GLYR1: variants seen among roughly 807,000 people sequenced by gnomAD.
GLYR1 encodes the protein glyoxylate reductase 1 homolog.
A neutral mutation model predicts 72.7 loss-of-function variants in GLYR1; 21 were observed. The observed-to-expected ratio is 0.29, with a 90% CI of 0.20 to 0.42. The LOEUF (loss-of-function observed/expected upper bound fraction) is 0.42, where lower values mean the gene tolerates loss of function less well. GLYR1 is among the 10% of genes least tolerant of loss of function. The pLI is 1.00. For synonymous variants in GLYR1, 392 were observed against 270.2 expected (o/e 1.45, Z -4.42); for missense variants, 594 against 712.1 (o/e 0.83, Z 1.89).
intron 5 of GLYR1, among the ~76,000 whole-genome samples, chr16:4,828,294 C>A (rs2142004809): frequency 6.6e-6 from 1 of 152,044 alleles, no homozygotes; most frequent in South Asian, 2.1e-4. Flanking sequence ...TGGTCTCCAT[C>A]TCCTGACCTC....
At chr16:4,825,714 C>CA (rs927920294) in intron 5 of GLYR1, among the ~76,000 whole-genome samples, 1 of 151,672 alleles carries the variant, frequency 6.6e-6, no homozygotes, top group African/African-American at 2.4e-5. Flanking sequence ...TGCAGTGGCA[C>CA]AATCTTGGCT....
chr16:4,822,973 C>T (rs368044903), intron 6 of GLYR1, 42 bp from the exon 7 acceptor site: 29 of 1,533,142 alleles, frequency 1.9e-5, no homozygotes, highest in Non-Finnish European at 2.5e-5. Context: ...TTATCTGCCA[C>T]CAAAGGTCAC....
chr16:4,818,036 C>G (rs545125294), intron 9 of GLYR1: 2 of 206,606 alleles, frequency 9.7e-6, no homozygotes, highest in East Asian at 2.5e-4. Flanking sequence ...TTGCTCTGTT[C>G]CAGGCTGGAG....
intron 5 of GLYR1, among the ~76,000 whole-genome samples, chr16:4,829,457 C>A (rs181651133): frequency 1.3e-5 from 2 of 151,802 alleles, no homozygotes; most frequent in East Asian, 3.9e-4. Flanking sequence ...AGGTGTGTAC[C>A]ACTATGCCCA....
intron 7 of GLYR1, 124 bp from the exon 8 acceptor site, chr16:4,821,721 G>C (rs1462860856): frequency 4.7e-6 from 4 of 846,170 alleles, no homozygotes; most frequent in Non-Finnish European, 7.9e-6. Context: ...TTATACTTTA[G>C]TGAACTCCAA....
At chr16:4,841,457 CAA>C (rs1160441336) in intron 3 of GLYR1, among the ~76,000 whole-genome samples, 11 of 31,952 alleles carry the variant, frequency 3.4e-4, no homozygotes, top group Non-Finnish European at 5.3e-4. Context: ...CTTGTCTCTA[CAA>C]AAAAAAAAAA....
At chr16:4,841,698 C>T (rs993086240) in intron 3 of GLYR1, among the ~76,000 whole-genome samples, 1 of 151,970 alleles carries the variant, frequency 6.6e-6, no homozygotes, top group South Asian at 2.1e-4. Context: ...GAAACAATGG[C>T]TTTCAGGCTC....
intron 15 of GLYR1, among the ~76,000 whole-genome samples, chr16:4,810,831 G>A (rs970051230): frequency 6.6e-6 from 1 of 151,634 alleles, no homozygotes; most frequent in African/African-American, 2.4e-5. Context: ...ATGGCTGGGC[G>A]TGGTAGCTCA....
At chr16:4,814,473 A>G (rs896473398) in intron 11 of GLYR1, 64 bp downstream of exon 11, 41 of 1,239,026 alleles carry the variant, frequency 3.3e-5, no homozygotes, top group African/African-American at 1.9e-4. Flanking sequence ...GGAGGAGGGG[A>G]AGAGGCCAGC....
intron 12 of GLYR1, 65 bp downstream of exon 12, chr16:4,813,672 G>C: frequency 1.4e-6 from 2 of 1,387,646 alleles, no homozygotes; most frequent in Non-Finnish European, 1.0e-6. Flanking sequence ...GCCCACTCTT[G>C]TAAGCCTGGG....
At chr16:4,812,061 G>T in intron 13 of GLYR1, 25 bp downstream of exon 13, 1 of 1,605,676 alleles carries the variant, frequency 6.2e-7, no homozygotes, top group Non-Finnish European at 8.5e-7. Context: ...CCAGGCTCCA[G>T]GCCTGACAGG....
intron 15 of GLYR1, among the ~76,000 whole-genome samples, chr16:4,807,058 G>A (rs1278614630): frequency 6.7e-5 from 10 of 148,594 alleles, no homozygotes; most frequent in East Asian, 2.0e-4. Flanking sequence ...CACCCGCCTC[G>A]GCCTCCCAAA....
chr16:4,826,123 C>A (rs1025310946), intron 5 of GLYR1, among the ~76,000 whole-genome samples: 1 of 152,136 alleles, frequency 6.6e-6, no homozygotes, highest in Non-Finnish European at 1.5e-5. Flanking sequence ...TTATGGCTCA[C>A]TGCAGCCTCA....
At chr16:4,831,697 G>A (rs1257774319) in intron 5 of GLYR1, among the ~76,000 whole-genome samples, 2 of 152,144 alleles carry the variant, frequency 1.3e-5, no homozygotes, top group Non-Finnish European at 2.9e-5. Flanking sequence ...ATAAGATTCG[G>A]GGTCTCACTC....
At chr16:4,833,223 C>T (rs80228954) in intron 3 of GLYR1, 6,668 of 216,986 alleles carry the variant, frequency 0.031, 124 homozygotes, top group Middle Eastern at 0.043. Flanking sequence ...AATGCCCAAC[C>T]ACATATACGC....
At chr16:4,843,224 G>A (rs578032996) in intron 3 of GLYR1, among the ~76,000 whole-genome samples, 1 of 152,136 alleles carries the variant, frequency 6.6e-6, no homozygotes, top group East Asian at 1.9e-4. Flanking sequence ...TGGAGTGCAG[G>A]GTCTCGAACA....
At chr16:4,838,424 T>C (rs1306890935) in intron 3 of GLYR1, among the ~76,000 whole-genome samples, 1 of 152,172 alleles carries the variant, frequency 6.6e-6, no homozygotes, top group Non-Finnish European at 1.5e-5. Context: ...CTGTGAGGAC[T>C]GGAGGGGAAG....
intron 5 of GLYR1, among the ~76,000 whole-genome samples, chr16:4,829,425 C>A (rs1430501115): frequency 6.6e-6 from 1 of 151,918 alleles, no homozygotes; most frequent in East Asian, 1.9e-4. Flanking sequence ...CCCACCCCAG[C>A]TTCCCAAGTA....
intron 5 of GLYR1, among the ~76,000 whole-genome samples, chr16:4,827,971 A>T (rs568263318): frequency 6.6e-6 from 1 of 152,242 alleles, no homozygotes; most frequent in East Asian, 1.9e-4. Context: ...GTATCAATCA[A>T]ATCTATGGGG....
Sources: gnomAD v4.1 joint callset for allele counts (sites outside exome capture counted in the v4.1 genomes callset) on GRCh38, gnomAD v4.1.1 for gene constraint, MANE v1.5 for transcripts, NCBI Gene and HGNC (gene_info 2026-07-23, HGNC 2026-07-21) for gene names.